The following CAPZB variants were observed in gnomAD, a reference collection of about 807,000 sequenced individuals.
CAPZB encodes the protein capping actin protein of muscle Z-line subunit beta, also known as F-actin-capping protein subunit beta.
CAPZB carries 2 observed loss-of-function variants against 38.1 expected under a neutral mutation model. The observed-to-expected ratio is 0.05, with a 90% CI of 0.02 to 0.17. CAPZB has a LOEUF of 0.17. Among genes scored for constraint, CAPZB ranks in the 10% least tolerant of loss-of-function variants. The pLI is 1.00. For missense variants in CAPZB, 161 were observed against 334.2 expected (o/e 0.48, Z 4.04); for synonymous variants, 107 against 127.4 (o/e 0.84, Z 1.08).
chr1:19,430,188 C>T (rs2094437500), intron 1 of CAPZB, among the ~76,000 whole-genome samples: 1 of 152,118 alleles, frequency 6.6e-6, no homozygotes, highest in South Asian at 2.1e-4. Context: ...CCCTGACACC[C>T]TCCCTGGCAA....
chr1:19,418,945 C>T (rs189137838), intron 2 of CAPZB, among the ~76,000 whole-genome samples: 69 of 152,372 alleles, frequency 4.5e-4, no homozygotes, highest in Middle Eastern at 3.4e-3. Context: ...GACTCACGTT[C>T]CAAACCCAGC....
chr1:19,398,531 C>CGGGT (rs1373172461), intron 2 of CAPZB, among the ~76,000 whole-genome samples: 1 of 152,134 alleles, frequency 6.6e-6, no homozygotes, highest in East Asian at 1.9e-4. Flanking sequence ...AGTGGGGGAG[C>CGGGT]GGGTGCTAAG....
chr1:19,387,386 A>G (rs2094209834), intron 2 of CAPZB, among the ~76,000 whole-genome samples: 1 of 152,196 alleles, frequency 6.6e-6, no homozygotes, highest in Non-Finnish European at 1.5e-5. Context: ...GAGCCCTTCA[A>G]CTGGAAGGAA....
At chr1:19,426,952 A>G (rs2094425060) in intron 1 of CAPZB, among the ~76,000 whole-genome samples, 1 of 152,230 alleles carries the variant, frequency 6.6e-6, no homozygotes, top group Admixed American at 6.5e-5. Context: ...GAGCCTCTAC[A>G]GCAACCAGGT....
Position 19,416,860 on chromosome 1 carries a change from C to CAAAAAAAAAAAAAAAAAAAAAA in CAPZB, c.93+2779_93+2800dup, listed in dbSNP as rs59789230. 1.3e-4 allele frequency among the ~76,000 whole-genome samples: 9 copies of CAAAAAAAAAAAAAAAAAAAAAA among 69,442 alleles called. 1 individual carries two copies. The highest frequency in any genetic ancestry group is 4.2e-4 in the African/African-American group (7 of 16,804). The allele number at this position is 69,442 out of a possible 152,430, so 45.6% of individuals were successfully genotyped here. On this transcript the variant is annotated intron_variant, in intron 2 of 8. Transcript: ENST00000264202. ...TGGGTGACAGAGCAAGACCCTGTCT[C>CAAAAAAAAAAAAAAAAAAAAAA]AAAAAAAAAAAAAAAAAAAAAAAAA...
Position 19,339,196 on chromosome 1 carries a change from G to T in CAPZB, c.*334C>A. 1 of 327,252 alleles carries T rather than the reference G, an allele frequency of 3.1e-6. No homozygotes were observed. Among genetic ancestry groups the T allele is most frequent in the South Asian group, 5.3e-5 (1 of 18,994 alleles). 20.3% of individuals were successfully genotyped at this position (327,252 alleles called of 1,614,324 possible). A position where few individuals can be genotyped will look rare whatever the true frequency, so the allele number is the denominator to read the frequency against. ...TTTTTTACACCAATGTACCAAAAAG[G>T]TGGGAGGGAAGGGAGGCTGGCAGAC... is the stretch of plus-strand genomic sequence containing the variant. On this transcript the variant is annotated 3_prime_UTR_variant, in exon 9 of 9. Coordinates refer to ENST00000264202, the MANE Select transcript of CAPZB (RefSeq NM_004930.5).
chr1:19,484,522 C>G, intron 1 of CAPZB: 2 of 1,338,668 alleles, frequency 1.5e-6, no homozygotes, highest in Non-Finnish European at 1.9e-6. Flanking sequence ...CACACCGATG[C>G]CCGCCCTTCC....
At chr1:19,345,160 G>A in intron 7 of CAPZB, 27 bp downstream of exon 7, 1 of 1,599,952 alleles carries the variant, frequency 6.3e-7, no homozygotes, top group Non-Finnish European at 8.6e-7. Flanking sequence ...GTCACTGCAG[G>A]AGCCAGCCAG....
intron 1 of CAPZB, among the ~76,000 whole-genome samples, chr1:19,442,584 C>T (rs2094481357): frequency 6.6e-6 from 1 of 151,556 alleles, no homozygotes; most frequent in Non-Finnish European, 1.5e-5. Context: ...CGAATGTTTA[C>T]TGGACATTAG....
intron 1 of CAPZB, among the ~76,000 whole-genome samples, chr1:19,476,168 GTAGATAGATAGATAGA>G (rs200136717): frequency 0.019 from 644 of 33,188 alleles, 4 homozygotes; most frequent in Middle Eastern, 0.043. Context: ...TAAAAAATAA[GTAGATAGATAGATAGA>G]TAGATAGATA....
chr1:19,406,831 C>T (rs1243505830), intron 2 of CAPZB, among the ~76,000 whole-genome samples: 1 of 152,172 alleles, frequency 6.6e-6, no homozygotes, highest in African/African-American at 2.4e-5. Context: ...TTGACATGAC[C>T]TCAGAACTCC....
intron 1 of CAPZB, among the ~76,000 whole-genome samples, chr1:19,442,306 C>T (rs1293829768): frequency 6.6e-6 from 1 of 152,102 alleles, no homozygotes; most frequent in Non-Finnish European, 1.5e-5. Context: ...GACAATTACA[C>T]CAGAGGATCT....
chr1:19,348,527 G>A (rs1016887874), intron 6 of CAPZB, among the ~76,000 whole-genome samples: 12 of 152,096 alleles, frequency 7.9e-5, no homozygotes, highest in African/African-American at 2.9e-4. Flanking sequence ...TGTGTGCTAG[G>A]GGAGACACAA....
At chr1:19,370,464 C>T (rs1001508999) in intron 4 of CAPZB, among the ~76,000 whole-genome samples, 4 of 152,194 alleles carry the variant, frequency 2.6e-5, no homozygotes, top group African/African-American at 7.2e-5. Context: ...TCACACAGGA[C>T]GTGATACACT....
rs367963918 is a variant in CAPZB, at chr1:19,419,263, G to T, written c.93+398C>A. Among the ~76,000 whole-genome samples, 3 of 152,320 alleles carry T rather than the reference G, an allele frequency of 2.0e-5. No homozygotes were observed. The East Asian group carries it at 5.8e-4, about 29-fold the overall frequency. On this transcript the variant is annotated intron_variant, in intron 2 of 8. Transcript: ENST00000264202. ...GGAAGCATCTTACAGGTAGACGCTT[G>T]TACTGTGTTGGCTGGAGAAACTCAC...
At chr1:19,412,998 G>A (rs547412302) in intron 2 of CAPZB, among the ~76,000 whole-genome samples, 24 of 152,294 alleles carry the variant, frequency 1.6e-4, no homozygotes, top group African/African-American at 5.3e-4. Flanking sequence ...GGTTCTCCAC[G>A]AAAACCCCGG....
chr1:19,345,281 G>C lies in CAPZB; in HGVS notation c.589-29C>G, dbSNP rs369872329. ...CAAAAGACAGAAACATTCCAAGTCA[G>C]AGAAAGCCAGAGATTTCTGAGAACG... On this transcript the variant is annotated intron_variant, in intron 6 of 8. Coordinates refer to ENST00000264202, the MANE Select transcript of CAPZB (RefSeq NM_004930.5). 4.7e-5 allele frequency: 74 copies of C among 1,579,146 alleles called. No homozygotes were observed. In the African/African-American group the frequency reaches 9.5e-4, roughly 20 times the overall value.
chr1:19,394,537 A>T (rs2094255523), intron 2 of CAPZB, among the ~76,000 whole-genome samples: 1 of 152,180 alleles, frequency 6.6e-6, no homozygotes, highest in Non-Finnish European at 1.5e-5. Context: ...CCTGGCCAAC[A>T]TAGTGAAACG....
At chr1:19,474,978 G>A (rs559535687) in intron 1 of CAPZB, among the ~76,000 whole-genome samples, 49 of 152,286 alleles carry the variant, frequency 3.2e-4, no homozygotes, top group Non-Finnish European at 5.4e-4. Context: ...ACAAGGACCT[G>A]CAGGGAGCTA....
Sources: gnomAD v4.1 joint callset for allele counts (sites outside exome capture counted in the v4.1 genomes callset) on GRCh38, gnomAD v4.1.1 for gene constraint, MANE v1.5 for transcripts, NCBI Gene and HGNC (gene_info 2026-07-23, HGNC 2026-07-21) for gene names.